The following PCDHGA10 variants were observed in gnomAD, a reference collection of about 807,000 sequenced individuals.
PCDHGA10 encodes protocadherin gamma subfamily A, 10, also known as protocadherin gamma-A10.
PCDHGA10 carries 42 observed loss-of-function variants against 59.5 expected under a neutral mutation model. The ratio of observed to expected loss-of-function variants is 0.71; its 90% CI spans 0.55 to 0.91. The LOEUF (loss-of-function observed/expected upper bound fraction) is 0.91. PCDHGA10 is among the 40% of genes least tolerant of loss of function. The pLI is 0.00. For synonymous variants in PCDHGA10, 511 were observed against 517.2 expected (o/e 0.99, Z 0.16); for missense variants, 1,111 against 1,198.2 (o/e 0.93, Z 1.07).
rs2095599926 is a variant in PCDHGA10 at position 141,413,049 on chromosome 5, A to C, written c.-127A>C. Reference sequence around the variant, plus strand: ...CAAACCGGCTGCTGGGCTGCAGGGAAGCTCACTCCAGAATTTAAAGTGCCC... The same window carrying C: ...CAAACCGGCTGCTGGGCTGCAGGGACGCTCACTCCAGAATTTAAAGTGCCC... On this transcript the variant is annotated 5_prime_UTR_variant, in exon 1 of 4. Coordinates refer to ENST00000398610, the MANE Select transcript of PCDHGA10 (RefSeq NM_018913.3). The C allele has an allele frequency of 5.5e-6, 5 of 904,176 alleles. No homozygotes were observed. Among genetic ancestry groups the C allele is most frequent in the Non-Finnish European group, 8.1e-6 (5 of 615,234 alleles). 56.0% of individuals were successfully genotyped at this position (904,176 alleles called of 1,614,324 possible).
At chr5:141,502,887 G>T (rs2099816882) in intron 2 of PCDHGA10, among the ~76,000 whole-genome samples, 1 of 40,910 alleles carries the variant, frequency 2.4e-5, no homozygotes, top group Non-Finnish European at 4.5e-5. Context: ...TTTTGACAGG[G>T]AGTCTAGCTC....
rs995968509 is a variant in PCDHGA10, at chr5:141,477,065, C to T, written c.2437-17742C>T. ...TCGGCTGGACTTCGAGGACACCAAA[C>T]TCCATGAGATTTACATCCAGGCCAA... On this transcript the variant is annotated intron_variant, in intron 1 of 3. Coordinates refer to ENST00000398610, the MANE Select transcript of PCDHGA10 (RefSeq NM_018913.3). The surrounding 1 kb of genome is among the most constrained non-coding windows in gnomAD (Gnocchi z 4.9). 15 of 1,614,144 alleles carry T rather than the reference C, an allele frequency of 9.3e-6. No homozygotes were observed. The highest frequency in any genetic ancestry group is 3.3e-5 in the Admixed American group (2 of 60,018).
intron 1 of PCDHGA10, chr5:141,423,684 T>G (rs201506477): frequency 6.6e-7 from 1 of 1,524,756 alleles, no homozygotes; most frequent in Non-Finnish European, 8.8e-7. Context: ...CTCTGCCTCC[T>G]AATTGTTGGT....
intron 1 of PCDHGA10, among the ~76,000 whole-genome samples, chr5:141,438,325 A>C (rs1400796518): frequency 6.6e-6 from 1 of 151,948 alleles, no homozygotes; most frequent in African/African-American, 2.4e-5. Context: ...AATTTTTCTT[A>C]TACATGTCAT....
At chr5:141,448,058 C>G (rs2098560499) in intron 1 of PCDHGA10, among the ~76,000 whole-genome samples, 2 of 151,936 alleles carry the variant, frequency 1.3e-5, no homozygotes, top group Non-Finnish European at 2.9e-5. Flanking sequence ...TGCTCTCCAG[C>G]CTGGGCAACA....
At chr5:141,442,472 C>A (rs1032989256) in intron 1 of PCDHGA10, 4 of 152,204 alleles carry the variant, frequency 2.6e-5, no homozygotes, top group African/African-American at 9.7e-5. Flanking sequence ...GCAGAAAGCC[C>A]CTTGGGGAAG....
At chr5:141,441,196 G>C (rs575668023) in intron 1 of PCDHGA10, 2 of 152,266 alleles carry the variant, frequency 1.3e-5, no homozygotes, top group East Asian at 3.9e-4. Flanking sequence ...GATTCCCAAA[G>C]ATTCTGCACC....
rs754685087 is a variant in PCDHGA10 at position 141,414,519 on chromosome 5, T to C, written c.1344T>C (p.Asp448=). The part of the protein sequence containing the change: ...TEAHFMLQVA[D]INDNPPTFSQ... ...CTCACTTTATGCTACAAGTGGCAGA[T>C]ATCAATGACAACCCACCTACCTTCT... Residue 448 remains aspartate, a synonymous_variant, in exon 1 of 4, where the codon GAT becomes GAC. Coordinates refer to ENST00000398610, the MANE Select transcript of PCDHGA10 (RefSeq NM_018913.3). The C allele has an allele frequency of 3.7e-6, 6 of 1,613,856 alleles. No homozygotes were observed. The highest frequency in any genetic ancestry group is 5.1e-6 in the Non-Finnish European group (6 of 1,179,900).
rs868475186 is a variant in PCDHGA10, at chr5:141,413,050, G to C, written c.-126G>C. 5.3e-6 allele frequency: 5 copies of C among 939,920 alleles called. No individual in the cohort carries two copies. Among genetic ancestry groups the C allele is most frequent in the Middle Eastern group, 3.3e-4 (1 of 2,996 alleles). 58.2% of individuals were successfully genotyped at this position (939,920 alleles called of 1,614,324 possible). On this transcript the variant is annotated 5_prime_UTR_variant, in exon 1 of 4. Transcript: ENST00000398610. ...AAACCGGCTGCTGGGCTGCAGGGAA[G>C]CTCACTCCAGAATTTAAAGTGCCCA...
chr5:141,487,661 C>A lies in PCDHGA10; in HGVS notation c.2437-7146C>A. ...ACAAATGCTTGAGGGTTATTCTGATCCAGGCATATGGCTAGGCCATGTCCT... is the reference window on the plus strand; with the variant it reads ...ACAAATGCTTGAGGGTTATTCTGATACAGGCATATGGCTAGGCCATGTCCT... On this transcript the variant is annotated intron_variant, in intron 1 of 3. Transcript: ENST00000398610. This position sits in a 1 kb window ranked among gnomAD's most constrained non-coding sequence, Gnocchi z 5.0. The A allele has an allele frequency of 6.2e-7, 1 of 1,613,366 alleles. No homozygotes were observed. Among genetic ancestry groups the A allele is most frequent in the Non-Finnish European group, 8.5e-7 (1 of 1,179,646 alleles).
At chr5:141,462,121 T>A (rs977258025) in intron 1 of PCDHGA10, among the ~76,000 whole-genome samples, 2 of 151,730 alleles carry the variant, frequency 1.3e-5, no homozygotes, top group Non-Finnish European at 2.9e-5. Context: ...CTGCACCCAG[T>A]CCAATTTTTT....
intron 3 of PCDHGA10, among the ~76,000 whole-genome samples, chr5:141,509,450 C>A (rs2099876883): frequency 6.6e-6 from 1 of 152,128 alleles, no homozygotes; most frequent in Non-Finnish European, 1.5e-5. Context: ...CCTCTCCCAC[C>A]CCCGACCCAG....
chr5:141,443,163 T>C (rs1054542792), intron 1 of PCDHGA10, among the ~76,000 whole-genome samples: 3 of 152,172 alleles, frequency 2.0e-5, no homozygotes, highest in Non-Finnish European at 4.4e-5. Context: ...TTTATTTCCC[T>C]ACCCATGTCC....
intron 1 of PCDHGA10, among the ~76,000 whole-genome samples, chr5:141,447,123 T>TTTTG (rs1327676720): frequency 6.6e-6 from 1 of 152,160 alleles, no homozygotes; most frequent in Admixed American, 6.6e-5. Context: ...CCATGGATTT[T>TTTTG]TTTGTTTGTT....
chr5:141,419,259 C>A (rs765877993), intron 1 of PCDHGA10: 11 of 1,614,016 alleles, frequency 6.8e-6, no homozygotes, highest in Non-Finnish European at 9.3e-6. Flanking sequence ...AACAACCAGC[C>A]GGGTGCCTCC....
Position 141,414,054 on chromosome 5 carries a change from G to A in PCDHGA10, c.879G>A (p.Leu293=). ...YSFRKLPDTQ[L]LKFQLNKYTG... Reference sequence around the variant, plus strand: ...TCCGAAAATTACCTGACACGCAATTGTTGAAGTTCCAACTAAACAAATATA... The same window carrying A: ...TCCGAAAATTACCTGACACGCAATTATTGAAGTTCCAACTAAACAAATATA... Residue 293 remains leucine (L), a synonymous_variant, in exon 1 of 4, where the codon TTG becomes TTA. Coordinates refer to ENST00000398610, the MANE Select transcript of PCDHGA10 (RefSeq NM_018913.3). The A allele has an allele frequency of 6.2e-7, 1 of 1,610,250 alleles. No homozygotes were observed. Among genetic ancestry groups the A allele is most frequent in the Non-Finnish European group, 8.5e-7 (1 of 1,178,276 alleles).
At chr5:141,457,736 T>G (rs1265562501) in intron 1 of PCDHGA10, among the ~76,000 whole-genome samples, 1 of 152,254 alleles carries the variant, frequency 6.6e-6, no homozygotes, top group African/African-American at 2.4e-5. Flanking sequence ...AGATTAGACT[T>G]TTAAAGCTGA....
intron 1 of PCDHGA10, among the ~76,000 whole-genome samples, chr5:141,444,646 G>T (rs1023259048): frequency 1.3e-5 from 2 of 152,098 alleles, no homozygotes; most frequent in Non-Finnish European, 2.9e-5. Flanking sequence ...TGAGGTAGGG[G>T]TTGAAGTTAT....
chr5:141,431,774 G>T lies in PCDHGA10; in HGVS notation c.2436+16163G>T. Reference sequence around the variant, plus strand: ...AGCCAAAGTCCTGATCACTGTTCTGGACGTGAACGACAATGCCCCAGAAGT... The same window carrying T: ...AGCCAAAGTCCTGATCACTGTTCTGTACGTGAACGACAATGCCCCAGAAGT... On this transcript the variant is annotated intron_variant, in intron 1 of 3. Transcript: ENST00000398610. This position sits in a 1 kb window ranked among gnomAD's most constrained non-coding sequence, Gnocchi z 4.8. 5 of 1,614,204 alleles carry T rather than the reference G, an allele frequency of 3.1e-6. No individual in the cohort carries two copies. The highest frequency in any genetic ancestry group is 4.2e-6 in the Non-Finnish European group (5 of 1,180,038).
Sources: allele counts gnomAD v4.1 joint callset (sites outside exome capture counted in the v4.1 genomes callset), GRCh38; gene constraint gnomAD v4.1.1; non-coding constraint Gnocchi (gnomAD v3.1); transcripts MANE v1.5; gene names NCBI Gene and HGNC (gene_info 2026-07-23, HGNC 2026-07-21).